The following VSTM4 variants were observed in gnomAD, a reference collection of about 807,000 sequenced individuals.
VSTM4 encodes V-set and transmembrane domain-containing protein 4.
VSTM4 carries 20 observed loss-of-function variants against 36.4 expected under a neutral mutation model. That is an observed-to-expected ratio of 0.55 (90% CI 0.39 to 0.80). VSTM4 has a LOEUF of 0.80. VSTM4 is among the 30% of genes least tolerant of loss of function. VSTM4 has a pLI of 0.00. For missense variants in VSTM4, 392 were observed against 404.5 expected (o/e 0.97, Z 0.26); for synonymous variants, 182 against 173.9 (o/e 1.05, Z -0.37).
intron 2 of VSTM4, among the ~76,000 whole-genome samples, chr10:49,104,864 G>A (rs1475061087): frequency 6.7e-6 from 1 of 148,994 alleles, no homozygotes; most frequent in Non-Finnish European, 1.5e-5. Flanking sequence ...CACACACGGA[G>A]AGAGAAAGAG....
At chr10:49,056,946 C>T (rs1173498347) in intron 5 of VSTM4, among the ~76,000 whole-genome samples, 1 of 152,058 alleles carries the variant, frequency 6.6e-6, no homozygotes, top group African/African-American at 2.4e-5. Context: ...GTGAGGGCCT[C>T]AGAAGCTTCC....
intron 4 of VSTM4, among the ~76,000 whole-genome samples, chr10:49,067,014 A>G (rs12253426): frequency 0.37 from 56,832 of 151,958 alleles, 11,862 homozygotes; most frequent in African/African-American, 0.56. Context: ...AACAGTTAAA[A>G]CTTGTTTGGG....
intron 2 of VSTM4, among the ~76,000 whole-genome samples, chr10:49,093,180 C>A (rs368967920): frequency 1.3e-5 from 2 of 152,128 alleles, no homozygotes; most frequent in Admixed American, 1.3e-4. Context: ...AGCCTATAGT[C>A]GGCAAAATAA....
chr10:49,112,823 G>A (rs1389208562), intron 1 of VSTM4, among the ~76,000 whole-genome samples: 1 of 152,254 alleles, frequency 6.6e-6, no homozygotes, highest in Non-Finnish European at 1.5e-5. Flanking sequence ...TCAAATTCCT[G>A]TGGATAAAAG....
At chr10:49,053,159 C>T (rs1171131082) in intron 5 of VSTM4, among the ~76,000 whole-genome samples, 3 of 152,194 alleles carry the variant, frequency 2.0e-5, no homozygotes, top group Non-Finnish European at 2.9e-5. Flanking sequence ...CAGGCCCGCC[C>T]GGAAACTCCC....
intron 4 of VSTM4, 43 bp from the exon 5 acceptor site, chr10:49,064,779 T>C (rs755921082): frequency 3.8e-6 from 6 of 1,589,912 alleles, no homozygotes; most frequent in Non-Finnish European, 3.4e-6. Flanking sequence ...CCAATGCTAC[T>C]TCAGATATAT....
chr10:49,049,446 A>T (rs1843664331), intron 5 of VSTM4, among the ~76,000 whole-genome samples: 1 of 152,178 alleles, frequency 6.6e-6, no homozygotes, highest in Non-Finnish European at 1.5e-5. Flanking sequence ...GAGTTCGCAA[A>T]CTTTCTTGAA....
rs754873842 is a variant in VSTM4 at position 49,019,644 on chromosome 10, G to A, written c.*6C>T. The A allele has an allele frequency of 2.5e-6, 4 of 1,601,364 alleles. No homozygotes were observed. Among genetic ancestry groups the A allele is most frequent in the Middle Eastern group, 1.7e-4 (1 of 5,942 alleles). ...ATTAAATAGAACCTTGGAGGTGGAC[G>A]CTGTACTACAGCTTGTTCTCCTCGA... On this transcript the variant is annotated 3_prime_UTR_variant, in exon 8 of 8. Transcript: ENST00000332853.
At chr10:49,061,832 T>C (rs1843883293) in intron 5 of VSTM4, among the ~76,000 whole-genome samples, 1 of 152,218 alleles carries the variant, frequency 6.6e-6, no homozygotes, top group South Asian at 2.1e-4. Flanking sequence ...ACTCTGTGAG[T>C]CTCTGAAATT....
In VSTM4 at chr10:49,077,256, G is replaced by A. The variant is rs146407836; in HGVS notation, c.597C>T (p.Ile199=). 59 of 1,614,026 alleles carry A rather than the reference G, an allele frequency of 3.7e-5. No homozygotes were observed. The highest frequency in any genetic ancestry group is 2.5e-4 in the African/African-American group (19 of 74,914). The change falls in exon 4 of 8, where the codon ATC becomes ATT. Residue 199 remains isoleucine (I), a synonymous_variant. Coordinates refer to ENST00000332853, the MANE Select transcript of VSTM4 (RefSeq NM_001031746.5). ...ILSILLFMLV[I]VWQSVFNKRK... ...GCTTGTTAAACACAGACTGCCAGAC[G>A]ATGACCAGCATGAAGAGCAGAATGC...
At chr10:49,105,185 CAGAG>C (rs1306808464) in intron 2 of VSTM4, among the ~76,000 whole-genome samples, 6 of 105,496 alleles carry the variant, frequency 5.7e-5, no homozygotes, top group Non-Finnish European at 9.7e-5. Flanking sequence ...GAGAAAGAGA[CAGAG>C]AGAGAGAGGG....
intron 7 of VSTM4, among the ~76,000 whole-genome samples, chr10:49,020,753 G>GAGGA (rs1843171125): frequency 1.3e-5 from 1 of 77,062 alleles, no homozygotes; most frequent in Non-Finnish European, 2.7e-5. Flanking sequence ...GGAAGGAAGG[G>GAGGA]AGGGAGGGAG....
chr10:49,044,210 A>G (rs1201766776), intron 7 of VSTM4, among the ~76,000 whole-genome samples: 1 of 151,884 alleles, frequency 6.6e-6, no homozygotes, highest in African/African-American at 2.4e-5. Context: ...CACCTGTAAT[A>G]CCCGCTACTT....
At position 49,059,383 on chromosome 10, in the gene VSTM4, G is replaced by A. The variant is rs12771881; in HGVS notation, c.668+5320C>T. ...AGGCAGCCTTTCAACAAGATTCTGC[G>A]GTCATCTTGACCTCATTTATCCCAG... On this transcript the variant is annotated intron_variant, in intron 5 of 7. Coordinates refer to ENST00000332853, the MANE Select transcript of VSTM4 (RefSeq NM_001031746.5). Among the ~76,000 whole-genome samples, 453 of 152,262 alleles carry A rather than the reference G, an allele frequency of 3.0e-3. 4 individuals are homozygous for A. Among genetic ancestry groups the A allele is most frequent in the Non-Finnish European group, 4.3e-3 (291 of 68,014 alleles).
chr10:49,045,782 C>G (rs1002260560), intron 7 of VSTM4, among the ~76,000 whole-genome samples: 1 of 152,162 alleles, frequency 6.6e-6, no homozygotes, highest in African/African-American at 2.4e-5. Flanking sequence ...GATATATTGT[C>G]GTCATGTGCC....
intron 2 of VSTM4, among the ~76,000 whole-genome samples, chr10:49,104,710 C>T (rs1468909038): frequency 6.6e-6 from 1 of 152,098 alleles, no homozygotes; most frequent in Non-Finnish European, 1.5e-5. Context: ...GAGGGTAGAA[C>T]CACTTCTGGG....
intron 4 of VSTM4, among the ~76,000 whole-genome samples, chr10:49,066,111 A>G (rs1035531998): frequency 1.3e-5 from 2 of 152,122 alleles, no homozygotes; most frequent in African/African-American, 2.4e-5. Context: ...TCACCTTAAC[A>G]TCCTCACCTC....
chr10:49,052,137 A>C (rs192969782), intron 5 of VSTM4, among the ~76,000 whole-genome samples: 134 of 152,284 alleles, frequency 8.8e-4, no homozygotes, highest in African/African-American at 3.2e-3. Flanking sequence ...CTAAAGCTGG[A>C]ATTACCAGGT....
chr10:49,022,533 G>A (rs899589939), intron 7 of VSTM4, among the ~76,000 whole-genome samples: 5 of 152,096 alleles, frequency 3.3e-5, no homozygotes, highest in African/African-American at 1.2e-4. Flanking sequence ...TAGACGAATT[G>A]TCTAGCAATT....
Sources: gnomAD v4.1 joint callset for allele counts (sites outside exome capture counted in the v4.1 genomes callset) on GRCh38, gnomAD v4.1.1 for gene constraint, MANE v1.5 for transcripts, NCBI Gene and HGNC (gene_info 2026-07-23, HGNC 2026-07-21) for gene names.